The following DLG1 variants were observed in gnomAD, a reference collection of about 807,000 sequenced individuals.
The protein encoded by DLG1 is discs large MAGUK scaffold protein 1.
A neutral mutation model predicts 123.4 loss-of-function variants in DLG1; 42 were observed. The observed-to-expected ratio is 0.34, with a 90% CI of 0.27 to 0.44. The LOEUF is 0.44. Ranked by LOEUF, DLG1 falls within the 20% of genes least tolerant of loss-of-function variation. The pLI is 1.00. For synonymous variants in DLG1, 317 were observed against 356.2 expected, an observed-to-expected ratio of 0.89 and a Z score of 1.24; for missense variants, 942 against 1,082.6, an observed-to-expected ratio of 0.87 and a Z score of 1.82.
In DLG1 at chr3:197,067,925, G is replaced by T. The variant is rs1740886742; in HGVS notation, c.2048-1171C>A. 2.0e-5 allele frequency among the ~76,000 whole-genome samples: 3 copies of T among 152,018 alleles called. No individual in the cohort carries two copies. The South Asian group carries it at 6.2e-4, about 32-fold the overall frequency. On this transcript the variant is annotated intron_variant, in intron 19 of 24. Transcript: ENST00000667157. ...CACCCCCACGCCTAAAATTAGAAAA[G>T]ACTGTGTTAACCCAAGTGGTTCAAT...
intron 5 of DLG1, among the ~76,000 whole-genome samples, chr3:197,182,538 G>A (rs9877632): frequency 0.14 from 22,029 of 151,992 alleles, 2,271 homozygotes; most frequent in African/African-American, 0.29. Context: ...AAGAAATATA[G>A]AACTGTTGAC....
intron 5 of DLG1, among the ~76,000 whole-genome samples, chr3:197,156,260 T>A (rs537580498): frequency 1.3e-5 from 2 of 152,262 alleles, no homozygotes; most frequent in South Asian, 4.1e-4. Flanking sequence ...GTCTAGGATG[T>A]TAAATGTAAT....
intron 5 of DLG1, among the ~76,000 whole-genome samples, chr3:197,176,071 C>A (rs1159870522): frequency 6.6e-6 from 1 of 152,084 alleles, no homozygotes; most frequent in Non-Finnish European, 1.5e-5. Flanking sequence ...TATACAGAAG[C>A]TACAAAGAAG....
chr3:197,067,245 G>C (rs150343437), intron 19 of DLG1, among the ~76,000 whole-genome samples: 5 of 151,760 alleles, frequency 3.3e-5, no homozygotes, highest in Admixed American at 3.3e-4. Flanking sequence ...TAAATGCAAA[G>C]GTAAAACTAC....
chr3:197,046,125 T>C (rs983249417), intron 24 of DLG1, among the ~76,000 whole-genome samples: 8 of 152,204 alleles, frequency 5.3e-5, no homozygotes, highest in Admixed American at 5.2e-4. Flanking sequence ...TTTGACAAAA[T>C]ACTTGGTTCG....
In DLG1 at chr3:197,059,424, G is replaced by C. The variant is rs571099676; in HGVS notation, c.2483+465C>G. Among the ~76,000 whole-genome samples the C allele has an allele frequency of 2.6e-5, 4 of 152,092 alleles. No homozygotes were observed. The East Asian group carries it at 7.7e-4, about 29-fold the overall frequency. ...TTCTTCACCCCTTGTCTTTTAATTG[G>C]AACATTTAGTCTAGTAGTCTATTAT... On this transcript the variant is annotated intron_variant, in intron 23 of 24. Transcript: ENST00000667157.
chr3:197,216,020 C>T lies in DLG1; in HGVS notation c.319-21431G>A, dbSNP rs979727174. On this transcript the variant is annotated intron_variant, in intron 4 of 24. Transcript: ENST00000667157. ...CCATACTCTGTCAAACTTTTGTATA[C>T]CACTAGGGTTCACTGAACCCAATTC... 5.3e-5 allele frequency among the ~76,000 whole-genome samples: 8 copies of T among 152,226 alleles called. 1 individual carries two copies. The highest frequency in any genetic ancestry group is 1.9e-4 in the African/African-American group (8 of 41,546).
At chr3:197,059,633 C>CCACTGGTCACTATTTACACTAGTCA (rs1553874730) in intron 23 of DLG1, among the ~76,000 whole-genome samples, 1 of 151,806 alleles carries the variant, frequency 6.6e-6, no homozygotes, top group Non-Finnish European at 1.5e-5. Flanking sequence ...ACTTCAGTAG[C>CCACTGGTCACTATTTACACTAGTCA]CACTAGTCAC....
At chr3:197,143,121 C>A (rs995231473) in intron 6 of DLG1, among the ~76,000 whole-genome samples, 7 of 152,152 alleles carry the variant, frequency 4.6e-5, no homozygotes, top group Non-Finnish European at 1.0e-4. Flanking sequence ...CACCTCTTCA[C>A]TCTCATTTCT....
intron 5 of DLG1, among the ~76,000 whole-genome samples, chr3:197,180,572 AAAC>A (rs1460739139): frequency 6.6e-6 from 1 of 152,242 alleles, no homozygotes; most frequent in Non-Finnish European, 1.5e-5. Context: ...TTAAAAAATA[AAAC>A]AACCTCTCAA....
chr3:197,092,647 C>T (rs1560605623), intron 14 of DLG1, among the ~76,000 whole-genome samples: 2 of 151,998 alleles, frequency 1.3e-5, no homozygotes. Flanking sequence ...ATCGTGTGCA[C>T]CAACATGCTT....
chr3:197,264,016 G>A (rs1760661133), intron 4 of DLG1, among the ~76,000 whole-genome samples: 1 of 152,134 alleles, frequency 6.6e-6, no homozygotes, highest in Non-Finnish European at 1.5e-5. Flanking sequence ...TTACAAACCT[G>A]TAAGAATAAG....
chr3:197,258,433 CG>C (rs1001561125), intron 4 of DLG1, among the ~76,000 whole-genome samples: 2 of 29,724 alleles, frequency 6.7e-5, no homozygotes, highest in African/African-American at 2.9e-4. Flanking sequence ...TATGGGGGGG[CG>C]GGGGGGAACA....
At chr3:197,123,179 G>T (rs1187591504) in intron 11 of DLG1, among the ~76,000 whole-genome samples, 1 of 152,026 alleles carries the variant, frequency 6.6e-6, no homozygotes, top group Non-Finnish European at 1.5e-5. Context: ...AATGTGAAAG[G>T]CAAAATAATA....
At chr3:197,173,665 G>A (rs775253794) in intron 5 of DLG1, among the ~76,000 whole-genome samples, 1 of 152,116 alleles carries the variant, frequency 6.6e-6, no homozygotes, top group Non-Finnish European at 1.5e-5. Context: ...CTTAGATCAG[G>A]GGTTAGCAAA....
intron 4 of DLG1, among the ~76,000 whole-genome samples, chr3:197,253,655 T>C (rs1024211781): frequency 2.6e-5 from 4 of 152,118 alleles, no homozygotes; most frequent in African/African-American, 9.7e-5. Context: ...ATAATGGAAA[T>C]AGAGAACAGA....
chr3:197,060,177 G>A (rs1734776395), intron 22 of DLG1, among the ~76,000 whole-genome samples, 179 bp from the exon 23 acceptor site: 1 of 152,152 alleles, frequency 6.6e-6, no homozygotes, highest in Non-Finnish European at 1.5e-5. Context: ...GGCTGAATAT[G>A]CATAATTAAT....
At chr3:197,114,417 G>A (rs772602749) in intron 13 of DLG1, among the ~76,000 whole-genome samples, 2 of 152,126 alleles carry the variant, frequency 1.3e-5, no homozygotes, top group African/African-American at 2.4e-5. Flanking sequence ...GAAACAACAC[G>A]CCAGACAACA....
At chr3:197,168,169 C>A (rs559002090) in intron 5 of DLG1, among the ~76,000 whole-genome samples, 2 of 152,308 alleles carry the variant, frequency 1.3e-5, no homozygotes, top group South Asian at 2.1e-4. Context: ...CTTCTTTAGA[C>A]GAGGATGTGA....
Sources: allele counts gnomAD v4.1 joint callset (sites outside exome capture counted in the v4.1 genomes callset), GRCh38; gene constraint gnomAD v4.1.1; transcripts MANE v1.5; gene names NCBI Gene and HGNC (gene_info 2026-07-23, HGNC 2026-07-21).